RPTOR: variants seen among roughly 807,000 people sequenced by gnomAD.
RPTOR encodes the protein regulatory-associated protein of mTOR.
Under a neutral mutation model 169.9 loss-of-function variants are expected in RPTOR, and 21 were observed. The observed-to-expected ratio is 0.12, with a 90% CI of 0.09 to 0.18. The LOEUF is 0.18. Ranked by LOEUF, RPTOR falls within the 10% of genes least tolerant of loss-of-function variation. The pLI is 1.00. For missense variants in RPTOR, 1,133 were observed against 1,855.9 expected (o/e 0.61, Z 7.16); for synonymous variants, 732 against 753.2 (o/e 0.97, Z 0.46).
chr17:80,699,574 T>A (rs1163574666), intron 3 of RPTOR, among the ~76,000 whole-genome samples: 4 of 109,040 alleles, frequency 3.7e-5, no homozygotes, highest in African/African-American at 1.4e-4. Flanking sequence ...GATGGGGAGC[T>A]AGAGGTGCTG....
intron 31 of RPTOR, 32 bp downstream of exon 31, chr17:80,961,512 G>A (rs1291813220): frequency 6.5e-7 from 1 of 1,539,108 alleles, no homozygotes; most frequent in African/African-American, 1.4e-5. Flanking sequence ...CAGCCGTTCT[G>A]CTGTAAAAAC....
chr17:80,736,231 C>G (rs1433049380), intron 5 of RPTOR, among the ~76,000 whole-genome samples: 1 of 152,102 alleles, frequency 6.6e-6, no homozygotes, highest in Non-Finnish European at 1.5e-5. Flanking sequence ...CCACTATTCC[C>G]CCGCACTCTG....
chr17:80,785,349 T>C (rs2066981104), intron 6 of RPTOR, among the ~76,000 whole-genome samples: 1 of 151,724 alleles, frequency 6.6e-6, no homozygotes, highest in African/African-American at 2.4e-5. Context: ...TGTAAAACAT[T>C]TTATTTGGGA....
chr17:80,700,656 AGAT>A (rs2066084308), intron 3 of RPTOR, among the ~76,000 whole-genome samples: 1 of 88,506 alleles, frequency 1.1e-5, no homozygotes, highest in Non-Finnish European at 2.2e-5. Flanking sequence ...GTGATGGTAG[AGAT>A]GATGGTGATG....
At chr17:80,859,728 G>C (rs559897403) in intron 13 of RPTOR, among the ~76,000 whole-genome samples, 1 of 152,254 alleles carries the variant, frequency 6.6e-6, no homozygotes, top group Admixed American at 6.5e-5. Flanking sequence ...ACGTGTGTGC[G>C]GGGGTGGTCA....
chr17:80,871,997 C>T (rs1260181364), intron 13 of RPTOR, among the ~76,000 whole-genome samples: 1 of 152,208 alleles, frequency 6.6e-6, no homozygotes, highest in Non-Finnish European at 1.5e-5. Flanking sequence ...GCAAAAATGT[C>T]ACCTAGCGTT....
At chr17:80,623,862 C>T (rs1599610203) in intron 1 of RPTOR, among the ~76,000 whole-genome samples, 1 of 151,884 alleles carries the variant, frequency 6.6e-6, no homozygotes. Context: ...TAGGAACATT[C>T]GAATTATTTT....
intron 16 of RPTOR, 71 bp from the exon 17 acceptor site, chr17:80,884,937 G>A: frequency 6.5e-7 from 1 of 1,540,698 alleles, no homozygotes; most frequent in East Asian, 2.4e-5. Context: ...TGCACACACA[G>A]CCCTGGCAGA....
intron 9 of RPTOR, among the ~76,000 whole-genome samples, chr17:80,829,355 G>T (rs1196165036): frequency 2.0e-5 from 3 of 152,212 alleles, no homozygotes; most frequent in Non-Finnish European, 4.4e-5. Flanking sequence ...CGCCCGGGCT[G>T]TGCTCAGTCC....
chr17:80,889,370 C>G (rs1019402409), intron 17 of RPTOR, among the ~76,000 whole-genome samples: 1 of 152,196 alleles, frequency 6.6e-6, no homozygotes, highest in African/African-American at 2.4e-5. Context: ...AAAGCTGCCT[C>G]CCTTTCGAGG....
At chr17:80,792,637 C>G (rs2067060184) in intron 7 of RPTOR, among the ~76,000 whole-genome samples, 1 of 152,058 alleles carries the variant, frequency 6.6e-6, no homozygotes. Flanking sequence ...TTTCCAAAGG[C>G]TAAACAGATA....
At chr17:80,931,058 G>GT (rs1397939256) in intron 24 of RPTOR, among the ~76,000 whole-genome samples, 1 of 152,132 alleles carries the variant, frequency 6.6e-6, no homozygotes, top group African/African-American at 2.4e-5. Flanking sequence ...TTTCATCCTG[G>GT]TTTTGCTTGG....
At chr17:80,735,370 T>C (rs962761830) in intron 5 of RPTOR, among the ~76,000 whole-genome samples, 5 of 152,244 alleles carry the variant, frequency 3.3e-5, no homozygotes, top group African/African-American at 2.4e-5. Flanking sequence ...GAGGAATATT[T>C]ATAGTCATCG....
intron 24 of RPTOR, among the ~76,000 whole-genome samples, chr17:80,938,087 G>A (rs2068976651): frequency 6.6e-6 from 1 of 152,378 alleles, no homozygotes; most frequent in East Asian, 1.9e-4. Flanking sequence ...AGAAGCCCCT[G>A]GGCCGGGAGA....
In RPTOR at chr17:80,746,699, TTCACAAGCTTGGCCAA is replaced by T. The variant is rs1328944757; in HGVS notation, c.655-7302_655-7287del. ...TGGTCACTTTTAGGCCTGGGCACTGTTCACAAGCTTGGCCAATCACAAGCACTCAGCCTTACACGCA... is the reference window on the plus strand; with the variant it reads ...TGGTCACTTTTAGGCCTGGGCACTGTTCACAAGCACTCAGCCTTACACGCA... On this transcript the variant is annotated intron_variant, in intron 5 of 33. Transcript: ENST00000306801. The surrounding 1 kb of genome is among the most constrained non-coding windows in gnomAD (Gnocchi z 4.5). Among the ~76,000 whole-genome samples, 1 of 152,190 alleles carries T rather than the reference TTCACAAGCTTGGCCAA, an allele frequency of 6.6e-6. No individual in the cohort carries two copies. Among genetic ancestry groups the T allele is most frequent in the Non-Finnish European group, 1.5e-5 (1 of 68,022 alleles).
chr17:80,772,345 C>T (rs1162572522), intron 6 of RPTOR, among the ~76,000 whole-genome samples: 2 of 152,200 alleles, frequency 1.3e-5, no homozygotes, highest in African/African-American at 4.8e-5. Flanking sequence ...CCTTAGACCT[C>T]CCTGTCACTT....
intron 12 of RPTOR, among the ~76,000 whole-genome samples, chr17:80,857,430 C>T (rs554581640): frequency 6.6e-6 from 1 of 152,332 alleles, no homozygotes; most frequent in Non-Finnish European, 1.5e-5. Context: ...GTGGCTCGTA[C>T]GTGAGCAACA....
chr17:80,670,940 C>T (rs186817569), intron 3 of RPTOR, among the ~76,000 whole-genome samples: 66 of 152,250 alleles, frequency 4.3e-4, no homozygotes, highest in Admixed American at 4.3e-3. Context: ...TGTGGTGGAG[C>T]TGGGTTGCAC....
chr17:80,639,524 AGCTGCACT>A (rs1403748506), intron 2 of RPTOR, among the ~76,000 whole-genome samples: 4 of 152,078 alleles, frequency 2.6e-5, no homozygotes, highest in Non-Finnish European at 5.9e-5. Context: ...CCCCTCCCCC[AGCTGCACT>A]GCTGGGTCTC....
Sources: gnomAD v4.1 joint callset for allele counts (sites outside exome capture counted in the v4.1 genomes callset) on GRCh38, gnomAD v4.1.1 for gene constraint, Gnocchi (gnomAD v3.1) non-coding constraint, MANE v1.5 for transcripts, NCBI Gene and HGNC (gene_info 2026-07-23, HGNC 2026-07-21) for gene names.